MGAT4C: variants seen among roughly 807,000 people sequenced by gnomAD.
MGAT4C encodes the protein alpha-1,3-mannosyl-glycoprotein 4-beta-N-acetylglucosaminyltransferase C.
In MGAT4C, 19 loss-of-function variants were observed where a neutral mutation model predicts 40.1. The ratio of observed to expected loss-of-function variants is 0.47; its 90% confidence interval spans 0.33 to 0.70. The LOEUF (loss-of-function observed/expected upper bound fraction) is 0.70. Among genes scored for constraint, MGAT4C ranks in the 30% least tolerant of loss-of-function variants. The probability of loss-of-function intolerance (pLI) is 0.02; values close to 1 mark genes in which losing one functional copy is unlikely to be tolerated. For missense variants in MGAT4C, 491 were observed against 563.2 expected, an observed-to-expected ratio of 0.87 and a Z score of 1.30; for synonymous variants, 181 against 187.1, an observed-to-expected ratio of 0.97 and a Z score of 0.27.
chr12:86,336,228 C>A (rs982589275), intron 3 of MGAT4C, among the ~76,000 whole-genome samples: 4 of 152,094 alleles, frequency 2.6e-5, no homozygotes, highest in South Asian at 2.1e-4. Context: ...GGATGAGGAA[C>A]CTGCAGATAC....
chr12:86,015,429 T>C (rs552971240), intron 2 of MGAT4C, among the ~76,000 whole-genome samples: 6 of 152,216 alleles, frequency 3.9e-5, no homozygotes, highest in African/African-American at 1.2e-4. Flanking sequence ...GTGAATGCAC[T>C]GTGAGTGAGC....
chr12:86,429,564 G>C (rs201986254), intron 3 of MGAT4C, among the ~76,000 whole-genome samples: 3 of 151,904 alleles, frequency 2.0e-5, no homozygotes, highest in Non-Finnish European at 4.4e-5. Flanking sequence ...CACGTTTTTT[G>C]TTTTTGTTTT....
chr12:86,602,269 C>A (rs537025885), intron 2 of MGAT4C, among the ~76,000 whole-genome samples: 1 of 152,254 alleles, frequency 6.6e-6, no homozygotes, highest in South Asian at 2.1e-4. Flanking sequence ...AAAACTCAAG[C>A]AGAGGCGCCA....
intron 4 of MGAT4C, among the ~76,000 whole-genome samples, chr12:86,323,054 A>G (rs1954434901): frequency 6.6e-6 from 1 of 151,558 alleles, no homozygotes; most frequent in African/African-American, 2.4e-5. Flanking sequence ...TCTGCAACAC[A>G]TGAGGTTTGA....
rs537169205 is a variant in MGAT4C at position 86,616,150 on chromosome 12, G to C, written c.-229+111059C>G. Among the ~76,000 whole-genome samples, 3 of 152,180 alleles carry C rather than the reference G, an allele frequency of 2.0e-5. No individual in the cohort carries two copies. In the East Asian group the frequency reaches 5.8e-4, roughly 29 times the overall value. On this transcript the variant is annotated intron_variant, in intron 2 of 7. Coordinates refer to the MGAT4C transcript ENST00000548651. ...TCATTGAGAACTTAAGTAATGATCT[G>C]ATATCATTTAGAGTATAGCATCCAT...
intron 2 of MGAT4C, among the ~76,000 whole-genome samples, chr12:86,507,192 G>A: frequency 6.6e-6 from 1 of 152,162 alleles, no homozygotes; most frequent in East Asian, 1.9e-4. Flanking sequence ...AAAACTATCT[G>A]ACCCAGTGAA....
At chr12:86,714,168 A>T (rs988079558) in intron 2 of MGAT4C, among the ~76,000 whole-genome samples, 3 of 152,144 alleles carry the variant, frequency 2.0e-5, no homozygotes, top group Non-Finnish European at 4.4e-5. Flanking sequence ...GGGACAAAAT[A>T]AAGACAGAGA....
chr12:86,197,053 T>G (rs1949842250), intron 1 of MGAT4C, among the ~76,000 whole-genome samples: 1 of 152,226 alleles, frequency 6.6e-6, no homozygotes, highest in South Asian at 2.1e-4. Context: ...TTCAACACTG[T>G]GCTTCTACAT....
chr12:86,237,116 T>C (rs1046017004), intron 1 of MGAT4C, among the ~76,000 whole-genome samples: 10 of 151,006 alleles, frequency 6.6e-5, no homozygotes, highest in Non-Finnish European at 1.3e-4. Context: ...AATATAAACA[T>C]AATAAGGATA....
chr12:86,821,662 G>T (rs1041011576), intron 1 of MGAT4C, among the ~76,000 whole-genome samples: 1 of 150,676 alleles, frequency 6.6e-6, no homozygotes, highest in Non-Finnish European at 1.5e-5. Flanking sequence ...TTTTTCAAGT[G>T]CACCAGGGAG....
chr12:86,543,438 C>T (rs1565838246), intron 2 of MGAT4C, among the ~76,000 whole-genome samples: 1 of 151,520 alleles, frequency 6.6e-6, no homozygotes, highest in Non-Finnish European at 1.5e-5. Flanking sequence ...TAAAAAATTC[C>T]TTAGATTATT....
At chr12:86,675,084 G>C (rs1238672692) in intron 2 of MGAT4C, among the ~76,000 whole-genome samples, 15 of 152,080 alleles carry the variant, frequency 9.9e-5, no homozygotes, top group Admixed American at 9.8e-4. Context: ...ATGTCTTCAA[G>C]ATTGTGCTGC....
At chr12:86,765,135 G>A (rs530482505) in intron 1 of MGAT4C, among the ~76,000 whole-genome samples, 15 of 152,166 alleles carry the variant, frequency 9.9e-5, no homozygotes, top group Admixed American at 3.9e-4. Context: ...TTAGACGAAT[G>A]TATAACTAGA....
chr12:86,296,362 C>T (rs752389154), intron 4 of MGAT4C, among the ~76,000 whole-genome samples: 1 of 52,556 alleles, frequency 1.9e-5, no homozygotes, highest in Non-Finnish European at 5.0e-5. Context: ...CACACCAGGG[C>T]TGCAGGTGGA....
chr12:86,518,026 C>T (rs1050697320), intron 2 of MGAT4C, among the ~76,000 whole-genome samples: 3 of 152,020 alleles, frequency 2.0e-5, no homozygotes, highest in African/African-American at 4.8e-5. Context: ...GAACTTTCCC[C>T]GTGTTAAAGA....
intron 2 of MGAT4C, among the ~76,000 whole-genome samples, chr12:86,717,010 C>T (rs1950654101): frequency 1.3e-5 from 2 of 152,044 alleles, no homozygotes; most frequent in Non-Finnish European, 2.9e-5. Flanking sequence ...TTTGCTTTAA[C>T]CCAATCATGG....
At chr12:86,769,202 GCC>G (rs1951580043) in intron 1 of MGAT4C, among the ~76,000 whole-genome samples, 3 of 152,044 alleles carry the variant, frequency 2.0e-5, no homozygotes, top group East Asian at 1.9e-4. Flanking sequence ...TAAAAAATTG[GCC>G]AAGGACATGA....
intron 1 of MGAT4C, chr12:86,068,536 A>G (rs1894777080): frequency 6.7e-6 from 1 of 148,702 alleles, no homozygotes; most frequent in African/African-American, 2.4e-5. Context: ...TATATAGATA[A>G]ATATGAATAT....
chr12:86,604,525 CAT>C (rs1233129373), intron 2 of MGAT4C, among the ~76,000 whole-genome samples: 1 of 152,200 alleles, frequency 6.6e-6, no homozygotes, highest in East Asian at 1.9e-4. Context: ...CATGCACAGA[CAT>C]ATAGATACAC....
Sources: allele counts gnomAD v4.1 joint callset (sites outside exome capture counted in the v4.1 genomes callset), GRCh38; gene constraint gnomAD v4.1.1; transcripts MANE v1.5; gene names NCBI Gene and HGNC (gene_info 2026-07-23, HGNC 2026-07-21).